C4orf50: variants seen among roughly 807,000 people sequenced by gnomAD.
C4orf50 encodes the protein chromosome 4 open reading frame 50, also known as uncharacterized protein C4orf50.
C4orf50 carries 80 observed loss-of-function variants against 77.2 expected under a neutral mutation model. The observed-to-expected ratio is 1.04, with a 90% CI of 0.87 to 1.25. C4orf50 has a LOEUF of 1.25. Among genes scored for constraint, C4orf50 ranks in the 50% most tolerant of loss-of-function variants. C4orf50 has a pLI of 0.00. For synonymous variants in C4orf50, 532 were observed against 465.3 expected (o/e 1.14, Z -1.84); for missense variants, 1,257 against 1,152.9 (o/e 1.09, Z -1.31).
At chr4:5,977,970 CAA>C (rs1720377535) in intron 29 of C4orf50, among the ~76,000 whole-genome samples, 1 of 152,152 alleles carries the variant, frequency 6.6e-6, no homozygotes, top group South Asian at 2.1e-4. Flanking sequence ...CACAACTCAA[CAA>C]AAAGAGAGTC....
At chr4:5,969,084 A>G (rs968169983) in intron 31 of C4orf50, among the ~76,000 whole-genome samples, 5 of 152,078 alleles carry the variant, frequency 3.3e-5, no homozygotes, top group African/African-American at 1.2e-4. Flanking sequence ...TACGGTACCA[A>G]TATGTTCTTT....
intron 7 of C4orf50, among the ~76,000 whole-genome samples, chr4:5,947,623 C>G (rs569935099): frequency 6.6e-6 from 1 of 152,124 alleles, no homozygotes; most frequent in African/African-American, 2.4e-5. Context: ...AGGCAGCTCC[C>G]GCACTGCAGC....
At chr4:5,918,184 C>T (rs1224523448) in intron 7 of C4orf50, among the ~76,000 whole-genome samples, 1 of 152,190 alleles carries the variant, frequency 6.6e-6, no homozygotes, top group East Asian at 1.9e-4. Flanking sequence ...ATACAACCAC[C>T]TCCCACCGCA....
chr4:5,922,921 C>T (rs1717344574), intron 7 of C4orf50, among the ~76,000 whole-genome samples: 1 of 152,186 alleles, frequency 6.6e-6, no homozygotes, highest in South Asian at 2.1e-4. Context: ...TAGACCTTCA[C>T]CTCACCCCAG....
At chr4:5,909,385 A>T (rs1422016760) in intron 7 of C4orf50, among the ~76,000 whole-genome samples, 1 of 152,144 alleles carries the variant, frequency 6.6e-6, no homozygotes, top group Non-Finnish European at 1.5e-5. Flanking sequence ...GAATTGTTTG[A>T]GTTCCTTGTA....
chr4:5,955,471 C>A (rs77116601), downstream of C4orf50, among the ~76,000 whole-genome samples: 3,772 of 152,262 alleles, frequency 0.025, 108 homozygotes, highest in African/African-American at 0.069. This position sits in a 1 kb window ranked among gnomAD's most constrained non-coding sequence, Gnocchi z 5.1. Flanking sequence ...CCTTTCAAGG[C>A]TCCATGAGAT....
exon 34 of C4orf50, chr4:5,957,893 T>C (rs1490899662): frequency 6.6e-6 from 1 of 152,152 alleles, no homozygotes; most frequent in Middle Eastern, 3.2e-3. Flanking sequence ...ACATGAGATG[T>C]TAACATCAAG....
intron 7 of C4orf50, among the ~76,000 whole-genome samples, chr4:5,941,842 A>C (rs903374581): frequency 1.3e-5 from 2 of 150,020 alleles, no homozygotes; most frequent in Non-Finnish European, 3.0e-5. Flanking sequence ...TTACAATGGG[A>C]CTCCTCCTCC....
intron 28 of C4orf50, 130 bp downstream of exon 6, chr4:5,988,217 T>C: frequency 8.2e-7 from 1 of 1,220,768 alleles, no homozygotes. Flanking sequence ...ACCAACCTCC[T>C]CTCATCTGGT....
chr4:6,016,758 G>T (rs1722699256), intron 23 of C4orf50, among the ~76,000 whole-genome samples: 2 of 152,052 alleles, frequency 1.3e-5, no homozygotes. Context: ...ATCACATAGA[G>T]TAACAGAAGA....
In C4orf50 at chr4:5,971,165, G is replaced by A. The variant is rs930462857; in HGVS notation, c.4104+2494C>T. ...GGCACTTCTCACCTCCAGCCCATCA[G>A]AGTCTCCCCAGCCATCCTGGCAGTC... is the stretch of plus-strand genomic sequence containing the variant. On this transcript the variant is annotated intron_variant, in intron 31 of 33. Transcript: ENST00000531445. Among the ~76,000 whole-genome samples the A allele has an allele frequency of 5.9e-5, 9 of 152,322 alleles. No homozygotes were observed. In the East Asian group the frequency reaches 1.5e-3, roughly 26 times the overall value.
chr4:5,974,457 G>A (rs78713401), intron 30 of C4orf50, among the ~76,000 whole-genome samples: 2 of 151,684 alleles, frequency 1.3e-5, no homozygotes, highest in South Asian at 4.2e-4. Context: ...GCGCCAACTC[G>A]AGGCTCAGAC....
chr4:5,973,374 C>T (rs1017244976), intron 31 of C4orf50, among the ~76,000 whole-genome samples: 1 of 152,250 alleles, frequency 6.6e-6, no homozygotes, highest in Non-Finnish European at 1.5e-5. Flanking sequence ...GTGACACACA[C>T]CCAATGAAGC....
chr4:5,946,160 C>T (rs778068189), intron 7 of C4orf50, among the ~76,000 whole-genome samples: 3 of 152,208 alleles, frequency 2.0e-5, no homozygotes, highest in Non-Finnish European at 4.4e-5. Context: ...GCTTGCCACC[C>T]TGTTCACCCC....
downstream of C4orf50, chr4:5,956,555 G>A (rs181171428): frequency 2.6e-5 from 4 of 152,418 alleles, no homozygotes; most frequent in East Asian, 7.7e-4. Context: ...GGCCTCCCGG[G>A]AGCACAGGAA....
chr4:5,965,100 C>A, exon 33 of C4orf50: 1 of 1,613,830 alleles, frequency 6.2e-7, no homozygotes, highest in Non-Finnish European at 8.5e-7. Flanking sequence ...AGACAATGAG[C>A]TTTGGAGGAC....
chr4:5,939,249 AAAAGAAAG>A (rs1553914203), intron 7 of C4orf50, among the ~76,000 whole-genome samples: 1 of 151,970 alleles, frequency 6.6e-6, no homozygotes, highest in Non-Finnish European at 1.5e-5. Flanking sequence ...GTCTCAAAAA[AAAAGAAAG>A]AAAGAAAGAA....
intron 7 of C4orf50, among the ~76,000 whole-genome samples, chr4:5,920,326 T>C (rs1251620984): frequency 1.3e-5 from 2 of 152,146 alleles, no homozygotes; most frequent in African/African-American, 4.8e-5. Context: ...ATGACAGTCA[T>C]GTCTACTTTG....
exon 28 of C4orf50, chr4:5,990,703 A>C (rs998032953): frequency 5.0e-6 from 2 of 399,004 alleles, no homozygotes; most frequent in Non-Finnish European, 8.8e-6. Context: ...GTCAGCTGCT[A>C]GATTCTCTGA....
Sources: gnomAD v4.1 joint callset for allele counts (sites outside exome capture counted in the v4.1 genomes callset) on GRCh38, gnomAD v4.1.1 for gene constraint, Gnocchi (gnomAD v3.1) non-coding constraint, MANE v1.5 for transcripts, NCBI Gene and HGNC (gene_info 2026-07-23, HGNC 2026-07-21) for gene names.